Variants in CACNA2D1 observed in about 807,000 individuals in gnomAD.
The protein encoded by CACNA2D1 is voltage-dependent calcium channel subunit alpha-2/delta-1.
A neutral mutation model predicts 171.5 loss-of-function variants in CACNA2D1; 53 were observed. The observed-to-expected ratio is 0.31, with a 90% CI of 0.25 to 0.39. CACNA2D1 has a LOEUF of 0.39. CACNA2D1 is among the 10% of genes least tolerant of loss of function. The probability of loss-of-function intolerance (pLI) is 1.00; values close to 1 mark genes in which losing one functional copy is unlikely to be tolerated. For missense variants in CACNA2D1, 903 were observed against 1,299.8 expected, an observed-to-expected ratio of 0.69 and a Z score of 4.69; for synonymous variants, 442 against 443.1, an observed-to-expected ratio of 1.00 and a Z score of 0.03.
chr7:82,190,147 T>C (rs1485106493), intron 3 of CACNA2D1, among the ~76,000 whole-genome samples: 1 of 151,752 alleles, frequency 6.6e-6, no homozygotes, highest in East Asian at 1.9e-4. Context: ...AGAAGCAAAG[T>C]TTTATAATTG....
intron 6 of CACNA2D1, among the ~76,000 whole-genome samples, chr7:82,103,971 T>A (rs1252486366): frequency 3.3e-5 from 5 of 149,684 alleles, no homozygotes; most frequent in Non-Finnish European, 7.4e-5. Flanking sequence ...TTGAAGGCCA[T>A]CAAAGTGAAT....
rs533338563 is a variant in CACNA2D1, at chr7:82,142,454, G to A, written c.355-5778C>T. ...GCATGCCACTTGCTCACAAATGTGGGCCTCTGATGAATAGATTATGCTAAA... is the reference window on the plus strand; with the variant it reads ...GCATGCCACTTGCTCACAAATGTGGACCTCTGATGAATAGATTATGCTAAA... On this transcript the variant is annotated intron_variant, in intron 4 of 38. Transcript: ENST00000356860. 5.9e-5 allele frequency among the ~76,000 whole-genome samples: 9 copies of A among 152,270 alleles called. No homozygotes were observed. In the East Asian group the frequency reaches 7.7e-4, roughly 13 times the overall value.
intron 1 of CACNA2D1, among the ~76,000 whole-genome samples, chr7:82,391,816 T>C (rs916721702): frequency 9.2e-5 from 14 of 152,348 alleles, no homozygotes; most frequent in African/African-American, 3.4e-4. Flanking sequence ...AAAATGCTTC[T>C]TCTAGAAAAG....
At chr7:82,149,165 A>G (rs1376214476) in intron 4 of CACNA2D1, among the ~76,000 whole-genome samples, 1 of 152,138 alleles carries the variant, frequency 6.6e-6, no homozygotes, top group Non-Finnish European at 1.5e-5. Flanking sequence ...TTTGAGCTCA[A>G]TGCCTGGCCC....
intron 3 of CACNA2D1, among the ~76,000 whole-genome samples, chr7:82,330,591 A>C (rs964828849): frequency 6.6e-6 from 1 of 152,046 alleles, no homozygotes; most frequent in African/African-American, 2.4e-5. Flanking sequence ...AATTTTCCAA[A>C]CTCAAATAAA....
At chr7:82,427,479 GT>G (rs1408100738) in intron 1 of CACNA2D1, among the ~76,000 whole-genome samples, 1 of 152,188 alleles carries the variant, frequency 6.6e-6, no homozygotes, top group Non-Finnish European at 1.5e-5. Flanking sequence ...TGTTACGAAG[GT>G]AGGTCTTACA....
At chr7:82,282,447 G>A (rs1236142119) in intron 3 of CACNA2D1, among the ~76,000 whole-genome samples, 1 of 152,168 alleles carries the variant, frequency 6.6e-6, no homozygotes, top group Non-Finnish European at 1.5e-5. Flanking sequence ...CTATGTGAAA[G>A]TTGTAACTGA....
At chr7:82,305,021 A>G (rs1247011340) in intron 3 of CACNA2D1, among the ~76,000 whole-genome samples, 3 of 152,120 alleles carry the variant, frequency 2.0e-5, no homozygotes, top group Non-Finnish European at 4.4e-5. Flanking sequence ...AAAAAATGTT[A>G]ATGTTAATTT....
intron 7 of CACNA2D1, among the ~76,000 whole-genome samples, chr7:82,083,472 G>T (rs1810052141): frequency 6.6e-6 from 1 of 151,602 alleles, no homozygotes; most frequent in Admixed American, 6.6e-5. Flanking sequence ...TAAGTCTTCT[G>T]ATAATAGTAT....
At chr7:82,111,422 A>ATG (rs1264458945) in intron 6 of CACNA2D1, among the ~76,000 whole-genome samples, 795 of 71,646 alleles carry the variant, frequency 0.011, 53 homozygotes, top group African/African-American at 0.035. Context: ...ATGTGTATAT[A>ATG]TGTGTGTATA....
intron 3 of CACNA2D1, among the ~76,000 whole-genome samples, chr7:82,240,742 G>A (rs1038014875): frequency 1.3e-5 from 2 of 152,056 alleles, no homozygotes; most frequent in African/African-American, 2.4e-5. Context: ...GACGAGGCGG[G>A]CGGATCACAA....
chr7:82,197,941 G>A lies in CACNA2D1; in HGVS notation c.295-27332C>T, dbSNP rs1201837733. ...ACACATATGTCTACCTGGAATAAAG[G>A]CAAAATATATGCAACACATTTTCCA... On this transcript the variant is annotated intron_variant, in intron 3 of 38. Transcript: ENST00000356860. Among the ~76,000 whole-genome samples, 4 of 151,738 alleles carry A rather than the reference G, an allele frequency of 2.6e-5. No individual in the cohort carries two copies. The East Asian group carries it at 7.7e-4, about 29-fold the overall frequency.
intron 3 of CACNA2D1, among the ~76,000 whole-genome samples, chr7:82,209,429 G>C (rs1179511577): frequency 6.6e-6 from 1 of 152,192 alleles, no homozygotes; most frequent in Non-Finnish European, 1.5e-5. Flanking sequence ...AGAGTGAAAA[G>C]AGAGCCACAA....
intron 3 of CACNA2D1, among the ~76,000 whole-genome samples, chr7:82,227,445 C>A (rs537823027): frequency 5.3e-5 from 8 of 152,302 alleles, no homozygotes; most frequent in South Asian, 2.1e-4. Context: ...AAAACAGAGT[C>A]ATGTATCAGA....
chr7:82,060,797 A>T (rs78743470), intron 9 of CACNA2D1, among the ~76,000 whole-genome samples: 3 of 152,090 alleles, frequency 2.0e-5, no homozygotes, highest in Admixed American at 6.6e-5. Flanking sequence ...TTAAAAAAAA[A>T]TATGGATACT....
intron 1 of CACNA2D1, among the ~76,000 whole-genome samples, chr7:82,434,962 G>A (rs1482816697): frequency 1.4e-5 from 2 of 147,100 alleles, no homozygotes; most frequent in African/African-American, 5.0e-5. Context: ...TTAAATAAAT[G>A]AAAAAAATCC....
At chr7:82,126,454 T>G (rs1394018841) in intron 5 of CACNA2D1, among the ~76,000 whole-genome samples, 1 of 152,234 alleles carries the variant, frequency 6.6e-6, no homozygotes, top group East Asian at 1.9e-4. Context: ...AAAATAATCT[T>G]ACATTGAAAC....
chr7:81,974,513 A>G lies in CACNA2D1; in HGVS notation c.1995T>C (p.Thr665=). The change falls in exon 25 of 39, where the codon ACT becomes ACC. Residue 665 remains threonine, a synonymous_variant. Transcript: ENST00000356860. ...CNDLKISDNN[T]EFLLNFNEFI... ...ACTCGTTGAAATTTAAAAGAAATTC[A>G]GTGTTATTATCCGATATTTTCAGGT... 1 of 1,574,600 alleles carries G rather than the reference A, an allele frequency of 6.4e-7. No homozygotes were observed. The highest frequency in any genetic ancestry group is 8.7e-7 in the Non-Finnish European group (1 of 1,145,584).
chr7:81,963,014 TCA>T (rs1328094077), intron 34 of CACNA2D1, among the ~76,000 whole-genome samples: 1 of 151,994 alleles, frequency 6.6e-6, no homozygotes, highest in Non-Finnish European at 1.5e-5. Context: ...ACAGCACATT[TCA>T]GTTTTACAGT....
Sources: allele counts gnomAD v4.1 joint callset (sites outside exome capture counted in the v4.1 genomes callset), GRCh38; gene constraint gnomAD v4.1.1; transcripts MANE v1.5; gene names NCBI Gene and HGNC (gene_info 2026-07-23, HGNC 2026-07-21).